Variants in WAPL observed in about 807,000 individuals in gnomAD.
The protein encoded by WAPL is WAPL cohesin release factor, also known as wings apart-like protein homolog.
In WAPL, 5 loss-of-function variants were observed where a neutral mutation model predicts 121.0. The ratio of observed to expected loss-of-function variants is 0.04; its 90% confidence interval spans 0.02 to 0.09. The LOEUF is 0.09. WAPL is among the 10% of genes least tolerant of loss of function. The probability of loss-of-function intolerance (pLI) is 1.00; values close to 1 mark genes in which losing one functional copy is unlikely to be tolerated. For synonymous variants in WAPL, 480 were observed against 481.5 expected, an observed-to-expected ratio of 1.00 and a Z score of 0.04; for missense variants, 999 against 1,410.8, an observed-to-expected ratio of 0.71 and a Z score of 4.68.
At position 86,510,659 on chromosome 10, in the gene WAPL, A is replaced by G. The variant is rs377340698; in HGVS notation, c.499+6912T>C. Among the ~76,000 whole-genome samples the G allele has an allele frequency of 7.2e-5, 11 of 152,370 alleles. No homozygotes were observed. The South Asian group carries it at 2.3e-3, about 32-fold the overall frequency. On this transcript the variant is annotated intron_variant, in intron 2 of 18. Transcript: ENST00000298767. ...TCCTCAGAAAATCTGAGTAAGAAAC[A>G]AAAGTTCTGCTTTAGAACAAAATGA...
intron 4 of WAPL, among the ~76,000 whole-genome samples, chr10:86,483,769 CA>C (rs140276448): frequency 9.3e-6 from 1 of 107,152 alleles, no homozygotes; most frequent in East Asian, 3.0e-4. Context: ...AAGTTTTTAA[CA>C]AAAAAAAAAA....
intron 4 of WAPL, among the ~76,000 whole-genome samples, chr10:86,489,030 A>G (rs990986083): frequency 1.3e-5 from 2 of 152,230 alleles, no homozygotes; most frequent in Non-Finnish European, 2.9e-5. Flanking sequence ...GCAGCAAGAA[A>G]ATGGCATCTC....
At chr10:86,470,683 G>T (rs1398470960) in intron 8 of WAPL, among the ~76,000 whole-genome samples, 1 of 152,038 alleles carries the variant, frequency 6.6e-6, no homozygotes, top group Non-Finnish European at 1.5e-5. Flanking sequence ...TCTTCTCAGT[G>T]CTTTCTGATT....
At chr10:86,487,455 A>G (rs1841949885) in intron 4 of WAPL, among the ~76,000 whole-genome samples, 1 of 152,166 alleles carries the variant, frequency 6.6e-6, no homozygotes, top group Non-Finnish European at 1.5e-5. Flanking sequence ...ACTTTTCTGA[A>G]TCATCATTTC....
At chr10:86,500,843 G>A in intron 2 of WAPL, 100 bp from the exon 3 acceptor site, 2 of 968,320 alleles carry the variant, frequency 2.1e-6, no homozygotes, top group Non-Finnish European at 2.9e-6. Context: ...ATCAATCTTG[G>A]AAGAACTGCA....
chr10:86,452,483 T>C (rs766263556), intron 14 of WAPL, among the ~76,000 whole-genome samples: 8 of 151,844 alleles, frequency 5.3e-5, no homozygotes, highest in South Asian at 2.1e-4. Context: ...TCCCACCTAA[T>C]TGGGAGGCTG....
chr10:86,458,916 T>C, intron 12 of WAPL, 73 bp downstream of exon 12: 1 of 1,281,780 alleles, frequency 7.8e-7, no homozygotes, highest in African/African-American at 1.5e-5. Flanking sequence ...CCAAATTTCT[T>C]TCATTTATGG....
chr10:86,456,045 G>A (rs1841138016), intron 12 of WAPL, among the ~76,000 whole-genome samples: 1 of 152,194 alleles, frequency 6.6e-6, no homozygotes, highest in African/African-American at 2.4e-5. Flanking sequence ...GGGGCAACTT[G>A]AGAGAGGAAT....
chr10:86,458,926 G>T, intron 12 of WAPL, 63 bp downstream of exon 12: 2 of 1,365,928 alleles, frequency 1.5e-6, no homozygotes, highest in Non-Finnish European at 2.0e-6. Context: ...TTCATTTATG[G>T]TCAATCCAAA....
intron 17 of WAPL, among the ~76,000 whole-genome samples, chr10:86,441,870 ATGATCTGAGTCTCTGATGACCTCAG>A (rs1396824963): frequency 1.3e-5 from 2 of 152,106 alleles, no homozygotes; most frequent in Non-Finnish European, 2.9e-5. Context: ...AAAGACAGAA[ATGATCTGAGTCTCTGATGACCTCAG>A]TGAGGCACTG....
rs374062204 is a variant in WAPL, at chr10:86,461,213, G to A, written c.2445C>T (p.Leu815=). The change falls in exon 10 of 19, where the codon CTC becomes CTT. Residue 815 remains leucine (L), a synonymous_variant. Transcript: ENST00000298767. ...KRAGDWFKEE[L]RLLGGLDHIV... is the part of the protein sequence containing the mutation. ...TATGATCCAGACCACCCAAAAGCCG[G>A]AGTTCTTCTTTAAACCAGTCTCCTG... 118 of 1,613,570 alleles carry A rather than the reference G, an allele frequency of 7.3e-5. 1 individual carries two copies. In the South Asian group the frequency reaches 9.4e-4, roughly 13 times the overall value.
At chr10:86,443,042 C>CAAAA (rs11402869) in intron 17 of WAPL, among the ~76,000 whole-genome samples, 2 of 123,282 alleles carry the variant, frequency 1.6e-5, no homozygotes, top group Admixed American at 8.8e-5. Flanking sequence ...GACTCCGCCT[C>CAAAA]AAAAAAAAAA....
rs1041910481 is a variant in WAPL at position 86,499,839 on chromosome 10, GTCATCATCT to G, written c.1395_1403del (p.Glu465_Asp467del). On this transcript the variant is annotated inframe_deletion, in exon 3 of 19. Coordinates refer to ENST00000298767, the MANE Select transcript of WAPL (RefSeq NM_015045.5). The stretch of plus-strand genomic sequence containing the variant: ...TGCTTGTCTTTCTTTCTACTTGACA[GTCATCATCT>G]TCATCATCTTCGCTTTCACTGAGAT... 4 of 1,613,848 alleles carry G rather than the reference GTCATCATCT, an allele frequency of 2.5e-6. No individual in the cohort carries two copies. Among genetic ancestry groups the G allele is most frequent in the Non-Finnish European group, 3.4e-6 (4 of 1,179,986 alleles).
At chr10:86,485,083 C>T (rs1040887271) in intron 4 of WAPL, among the ~76,000 whole-genome samples, 2 of 148,616 alleles carry the variant, frequency 1.3e-5, no homozygotes, top group African/African-American at 2.5e-5. Flanking sequence ...CCACTCACCC[C>T]CCAACCCCTA....
intron 12 of WAPL, among the ~76,000 whole-genome samples, chr10:86,455,676 T>C (rs1041470937): frequency 5.1e-5 from 1 of 19,780 alleles, no homozygotes; most frequent in East Asian, 7.4e-4. Context: ...GAATGATCAA[T>C]AAATACTAAA....
chr10:86,465,685 C>T (rs938650525), intron 9 of WAPL, among the ~76,000 whole-genome samples: 1 of 152,072 alleles, frequency 6.6e-6, no homozygotes, highest in Non-Finnish European at 1.5e-5. Flanking sequence ...CATATAAATC[C>T]CGGATGTGGG....
At chr10:86,519,026 T>C (rs894277410) in intron 1 of WAPL, among the ~76,000 whole-genome samples, 2 of 152,218 alleles carry the variant, frequency 1.3e-5, no homozygotes, top group Non-Finnish European at 2.9e-5. Context: ...CTCCAGCATA[T>C]TACACTGTTT....
intron 4 of WAPL, among the ~76,000 whole-genome samples, chr10:86,482,902 A>T (rs943422795): frequency 6.6e-6 from 1 of 152,224 alleles, no homozygotes; most frequent in African/African-American, 2.4e-5. Flanking sequence ...GATCTGACTT[A>T]TAGCATGGTA....
chr10:86,482,793 A>C (rs550554718), intron 4 of WAPL, among the ~76,000 whole-genome samples: 5 of 152,326 alleles, frequency 3.3e-5, no homozygotes, highest in Non-Finnish European at 7.3e-5. Flanking sequence ...TCATAGGAAC[A>C]AAGAGTGGAA....
Sources: allele counts gnomAD v4.1 joint callset (sites outside exome capture counted in the v4.1 genomes callset), GRCh38; gene constraint gnomAD v4.1.1; transcripts MANE v1.5; gene names NCBI Gene and HGNC (gene_info 2026-07-23, HGNC 2026-07-21).